Variants in ART3 observed in about 807,000 individuals in gnomAD.
The protein encoded by ART3 is ADP-ribosyltransferase 3 (inactive), also known as ecto-ADP-ribosyltransferase 3.
A neutral mutation model predicts 48.5 loss-of-function variants in ART3; 49 were observed. The observed-to-expected ratio is 1.01, with a 90% CI of 0.80 to 1.28. The LOEUF (loss-of-function observed/expected upper bound fraction) is 1.28. ART3 is among the 50% of genes most tolerant of loss of function. The pLI, the probability that ART3 is intolerant of heterozygous loss-of-function variation, is 0.00. For synonymous variants in ART3, 145 were observed against 157.2 expected (o/e 0.92, Z 0.58); for missense variants, 438 against 454.3 (o/e 0.96, Z 0.33).
chr4:76,050,014 C>T (rs1296625271), intron 1 of ART3, among the ~76,000 whole-genome samples: 1 of 151,420 alleles, frequency 6.6e-6, no homozygotes, highest in Non-Finnish European at 1.5e-5. Flanking sequence ...TAAGGCGGCG[C>T]GTCTGGAGTT....
At position 76,104,420 on chromosome 4, in the gene ART3, A is replaced by T. The variant is rs17001395; in HGVS notation, c.971-177A>T. On this transcript the variant is annotated intron_variant, in intron 9 of 11. Transcript: ENST00000355810. ...GCTATGGCAGAAGACTCCTCTAATC[A>T]TGGTGTGGATTTGTATAATAAGGGT... 7.4e-3 allele frequency: 7,279 copies of T among 985,350 alleles called. 288 individuals carry two copies. In the African/African-American group the frequency reaches 0.099, roughly 13 times the overall value. 61.0% of individuals were successfully genotyped at this position (985,350 alleles called of 1,614,324 possible).
chr4:76,044,208 A>T (rs1735270880), intron 1 of ART3, among the ~76,000 whole-genome samples: 1 of 151,958 alleles, frequency 6.6e-6, no homozygotes, highest in Non-Finnish European at 1.5e-5. Flanking sequence ...AACTCCAGAG[A>T]TTGGTATAAG....
At chr4:76,039,947 C>T (rs1440257148) in intron 1 of ART3, among the ~76,000 whole-genome samples, 1 of 152,104 alleles carries the variant, frequency 6.6e-6, no homozygotes, top group Non-Finnish European at 1.5e-5. Context: ...AATGTATCCC[C>T]CAAGGATAAC....
chr4:76,092,441 C>T (rs909298087), intron 3 of ART3, among the ~76,000 whole-genome samples: 2 of 152,102 alleles, frequency 1.3e-5, no homozygotes, highest in Non-Finnish European at 2.9e-5. Flanking sequence ...TAGTAGTTTA[C>T]AAATTTACTG....
intron 1 of ART3, among the ~76,000 whole-genome samples, chr4:76,013,432 T>C (rs898171009): frequency 5.9e-5 from 9 of 152,202 alleles, no homozygotes; most frequent in African/African-American, 1.9e-4. Flanking sequence ...GAGATTTATA[T>C]ATACACACAC....
chr4:76,024,539 C>A (rs529228740), intron 1 of ART3, among the ~76,000 whole-genome samples: 4 of 152,246 alleles, frequency 2.6e-5, no homozygotes, highest in East Asian at 1.9e-4. Flanking sequence ...TTCATAGTAG[C>A]TAGCAGTAGA....
intron 1 of ART3, among the ~76,000 whole-genome samples, chr4:76,050,424 G>C (rs1735948709): frequency 6.6e-6 from 1 of 152,162 alleles, no homozygotes; most frequent in Non-Finnish European, 1.5e-5. Flanking sequence ...GCTAGATACG[G>C]AGTGTCAATT....
intron 3 of ART3, among the ~76,000 whole-genome samples, chr4:76,088,905 A>G (rs148625156): frequency 1.3e-5 from 2 of 152,162 alleles, no homozygotes; most frequent in Non-Finnish European, 1.5e-5. Context: ...GTTACATGTT[A>G]TATCATAGTA....
intron 1 of ART3, among the ~76,000 whole-genome samples, chr4:76,067,820 G>T (rs1053202640): frequency 4.6e-5 from 7 of 152,194 alleles, no homozygotes; most frequent in African/African-American, 1.4e-4. Context: ...GCCTGCCATT[G>T]AAGAAATATC....
intron 2 of ART3, among the ~76,000 whole-genome samples, chr4:76,079,026 A>C (rs748700340): frequency 6.6e-6 from 1 of 152,162 alleles, no homozygotes; most frequent in South Asian, 2.1e-4. Context: ...GCTTGCAGTG[A>C]GCCGAAATAG....
rs538051490 is a variant in ART3 at position 76,035,779 on chromosome 4, C to T, written c.-10+24459C>T. The T allele has an allele frequency of 2.4e-5, 16 of 670,186 alleles. No individual in the cohort carries two copies. In the Admixed American group the frequency reaches 4.7e-4, roughly 20 times the overall value. The allele number at this position is 670,186 out of a possible 1,614,324, so 41.5% of individuals were successfully genotyped here. A position where few individuals can be genotyped will look rare whatever the true frequency, so the allele number is the denominator to read the frequency against. ...TCATCTCTAGTATCTTAAACATGTC[C>T]ACCATTTCTGTGCTAAAGCTGTAGT... On this transcript the variant is annotated intron_variant, in intron 1 of 9. Transcript: ENST00000341029.
At chr4:76,059,535 C>CTTCT (rs57308562) in intron 1 of ART3, among the ~76,000 whole-genome samples, 88,351 of 151,114 alleles carry the variant, frequency 0.58, 26,629 homozygotes, top group East Asian at 0.94. Flanking sequence ...TTGAACCTTT[C>CTTCT]TTCTTTAACT....
chr4:76,050,337 A>G (rs956930938), intron 1 of ART3, among the ~76,000 whole-genome samples: 23 of 152,044 alleles, frequency 1.5e-4, no homozygotes, highest in African/African-American at 5.3e-4. Flanking sequence ...GCTAGACACA[A>G]AGGTTCTCCA....
chr4:76,047,484 T>G (rs1735621651), intron 1 of ART3, among the ~76,000 whole-genome samples: 1 of 152,022 alleles, frequency 6.6e-6, no homozygotes, highest in Admixed American at 6.6e-5. Flanking sequence ...GTATATTTTC[T>G]TAAGGCCTCT....
At chr4:76,092,136 A>G (rs1312103523) in intron 3 of ART3, among the ~76,000 whole-genome samples, 2 of 152,142 alleles carry the variant, frequency 1.3e-5, no homozygotes, top group Non-Finnish European at 2.9e-5. Context: ...CACCTTGTCA[A>G]TTTCTACAAT....
chr4:76,042,305 G>C (rs973060982), intron 1 of ART3, among the ~76,000 whole-genome samples: 8 of 152,090 alleles, frequency 5.3e-5, no homozygotes, highest in Admixed American at 5.2e-4. Flanking sequence ...AAAGAAAAAA[G>C]GTAGTATCAA....
intron 1 of ART3, among the ~76,000 whole-genome samples, chr4:76,044,848 A>C (rs1366520014): frequency 1.3e-5 from 2 of 151,956 alleles, no homozygotes; most frequent in African/African-American, 4.8e-5. Context: ...TTGGTAGTGT[A>C]AGACTCCCAC....
At chr4:76,076,856 G>A (rs764090696) in intron 2 of ART3, among the ~76,000 whole-genome samples, 7 of 151,296 alleles carry the variant, frequency 4.6e-5, no homozygotes, top group East Asian at 3.9e-4. Context: ...TTTTCCCCAC[G>A]TTGTTAGCTG....
chr4:76,039,747 A>T (rs1199422909), intron 1 of ART3, among the ~76,000 whole-genome samples: 3 of 152,188 alleles, frequency 2.0e-5, no homozygotes, highest in Admixed American at 2.0e-4. Context: ...TAATTTTTTT[A>T]AAAAGACCCT....
Sources: gnomAD v4.1 joint callset for allele counts (sites outside exome capture counted in the v4.1 genomes callset) on GRCh38, gnomAD v4.1.1 for gene constraint, MANE v1.5 for transcripts, NCBI Gene and HGNC (gene_info 2026-07-23, HGNC 2026-07-21) for gene names.